ELMO1: variants seen among roughly 807,000 people sequenced by gnomAD.
The protein encoded by ELMO1 is engulfment and cell motility protein 1.
A neutral mutation model predicts 98.9 loss-of-function variants in ELMO1; 26 were observed. The observed-to-expected ratio is 0.26, with a 90% CI of 0.19 to 0.36. The LOEUF (loss-of-function observed/expected upper bound fraction) is 0.36, where lower values mean the gene tolerates loss of function less well. Among genes scored for constraint, ELMO1 ranks in the 10% least tolerant of loss-of-function variants. The pLI is 1.00. For missense variants in ELMO1, 627 were observed against 935.2 expected (o/e 0.67, Z 4.30); for synonymous variants, 346 against 346.0 (o/e 1.00, Z 0.00).
chr7:37,345,516 C>T (rs1198275390), intron 1 of ELMO1, among the ~76,000 whole-genome samples: 3 of 152,074 alleles, frequency 2.0e-5, no homozygotes, highest in Non-Finnish European at 4.4e-5. Context: ...TCAAGACCAG[C>T]CTGGCCAACA....
intron 13 of ELMO1, among the ~76,000 whole-genome samples, chr7:37,201,317 T>A (rs1372369183): frequency 6.6e-6 from 1 of 152,202 alleles, no homozygotes; most frequent in Non-Finnish European, 1.5e-5. Context: ...AACCCCCAAA[T>A]ACATTATTAT....
At chr7:37,258,281 C>CAA (rs111536368) in intron 6 of ELMO1, among the ~76,000 whole-genome samples, 12 of 148,556 alleles carry the variant, frequency 8.1e-5, no homozygotes, top group South Asian at 2.2e-4. Context: ...AAACAAAAAA[C>CAA]AAAAAAAAAA....
chr7:37,159,629 G>A (rs988500539), intron 13 of ELMO1, among the ~76,000 whole-genome samples: 16 of 152,124 alleles, frequency 1.1e-4, no homozygotes, highest in Admixed American at 5.9e-4. Flanking sequence ...GAACCAGGAG[G>A]CAGAGGTTGC....
intron 1 of ELMO1, among the ~76,000 whole-genome samples, chr7:37,440,624 C>A (rs1381575151): frequency 6.6e-6 from 1 of 151,698 alleles, no homozygotes; most frequent in Non-Finnish European, 1.5e-5. Context: ...CAAAAATTAG[C>A]CAGGCATGGT....
intron 16 of ELMO1, among the ~76,000 whole-genome samples, chr7:36,928,240 C>T (rs969303845): frequency 3.9e-5 from 6 of 152,296 alleles, no homozygotes; most frequent in Middle Eastern, 3.4e-3. Flanking sequence ...CTGTCTCCTG[C>T]CACCTGTACT....
chr7:37,125,432 A>G (rs1242457768), intron 14 of ELMO1, among the ~76,000 whole-genome samples: 1 of 152,230 alleles, frequency 6.6e-6, no homozygotes, highest in Non-Finnish European at 1.5e-5. Flanking sequence ...ACTCAAACAA[A>G]TTTACAAGAA....
chr7:37,166,219 T>C (rs1789677844), intron 13 of ELMO1, among the ~76,000 whole-genome samples: 1 of 152,214 alleles, frequency 6.6e-6, no homozygotes, highest in Non-Finnish European at 1.5e-5. Context: ...TCTATTTGAT[T>C]CTTCTCTCTT....
At chr7:37,374,933 G>A (rs892020579) in intron 1 of ELMO1, among the ~76,000 whole-genome samples, 1 of 150,994 alleles carries the variant, frequency 6.6e-6, no homozygotes, top group Non-Finnish European at 1.5e-5. Context: ...GGTGATGCAT[G>A]CCTGTAATCC....
intron 11 of ELMO1, among the ~76,000 whole-genome samples, chr7:37,214,263 C>G (rs1793156034): frequency 6.6e-6 from 1 of 152,158 alleles, no homozygotes; most frequent in African/African-American, 2.4e-5. Flanking sequence ...AACAATGGAT[C>G]AATGTGGTGG....
At chr7:36,955,141 G>A (rs533585163) in intron 16 of ELMO1, among the ~76,000 whole-genome samples, 5 of 152,254 alleles carry the variant, frequency 3.3e-5, no homozygotes, top group African/African-American at 9.6e-5. Context: ...TCTACATGGC[G>A]GAAGGCATCA....
chr7:37,049,146 T>A (rs1795962038), intron 15 of ELMO1, among the ~76,000 whole-genome samples: 1 of 152,212 alleles, frequency 6.6e-6, no homozygotes, highest in Non-Finnish European at 1.5e-5. Context: ...GTTTGTCTTG[T>A]TAAGGGATAA....
intron 13 of ELMO1, among the ~76,000 whole-genome samples, chr7:37,133,443 T>C (rs1420421): frequency 0.2 from 30,051 of 152,108 alleles, 3,199 homozygotes; most frequent in Middle Eastern, 0.3. Context: ...AACCAGATTT[T>C]ATACCTGGGA....
intron 4 of ELMO1, among the ~76,000 whole-genome samples, chr7:37,292,913 A>C (rs1296002660): frequency 3.7e-5 from 2 of 54,228 alleles, no homozygotes; most frequent in African/African-American, 5.8e-5. Context: ...TCCGGGAGGG[A>C]GGTGGCGGGG....
At chr7:36,959,477 G>A (rs949629804) in intron 16 of ELMO1, among the ~76,000 whole-genome samples, 1 of 152,010 alleles carries the variant, frequency 6.6e-6, no homozygotes, top group South Asian at 2.1e-4. Flanking sequence ...TTTGACATCT[G>A]CGTACTTTGA....
At chr7:37,403,828 G>A (rs1803634229) in intron 1 of ELMO1, among the ~76,000 whole-genome samples, 1 of 152,122 alleles carries the variant, frequency 6.6e-6, no homozygotes, top group Non-Finnish European at 1.5e-5. Context: ...TTACGGGCAT[G>A]AGCCACCATG....
intron 15 of ELMO1, among the ~76,000 whole-genome samples, chr7:37,014,364 AAAAT>A (rs200114081): frequency 0.017 from 2,623 of 152,314 alleles, 28 homozygotes; most frequent in Middle Eastern, 0.041. Context: ...AGGTTTTTAA[AAAAT>A]AAATATATAT....
intron 5 of ELMO1, among the ~76,000 whole-genome samples, chr7:37,267,059 A>G: frequency 6.9e-6 from 1 of 144,276 alleles, no homozygotes; most frequent in Non-Finnish European, 1.5e-5. Context: ...ACACACACAC[A>G]CACACACACA....
At chr7:37,417,110 A>T (rs1451974819) in intron 1 of ELMO1, among the ~76,000 whole-genome samples, 7 of 152,182 alleles carry the variant, frequency 4.6e-5, no homozygotes, top group Non-Finnish European at 8.8e-5. Context: ...ACAGCCAAGG[A>T]AACTGAGGCA....
chr7:37,171,851 A>G (rs1790190481), intron 13 of ELMO1, among the ~76,000 whole-genome samples: 1 of 152,168 alleles, frequency 6.6e-6, no homozygotes, highest in African/African-American at 2.4e-5. Flanking sequence ...TAGCTTAGAG[A>G]GCTACTTATA....
Sources: gnomAD v4.1 joint callset for allele counts (sites outside exome capture counted in the v4.1 genomes callset) on GRCh38, gnomAD v4.1.1 for gene constraint, MANE v1.5 for transcripts, NCBI Gene and HGNC (gene_info 2026-07-23, HGNC 2026-07-21) for gene names.